The following BNC2 variants were observed in gnomAD, a reference collection of about 807,000 sequenced individuals.
BNC2 encodes the protein basonuclin zinc finger protein 2, also known as zinc finger protein basonuclin-2.
In BNC2, 20 loss-of-function variants were observed where a neutral mutation model predicts 76.3. The ratio of observed to expected loss-of-function variants is 0.26; its 90% confidence interval spans 0.18 to 0.38. The LOEUF (loss-of-function observed/expected upper bound fraction) is 0.38, where lower values mean the gene tolerates loss of function less well. BNC2 is among the 10% of genes least tolerant of loss of function. BNC2 has a pLI of 1.00. For synonymous variants in BNC2, 582 were observed against 514.8 expected, an observed-to-expected ratio of 1.13 and a Z score of -1.77; for missense variants, 1,382 against 1,399.8, an observed-to-expected ratio of 0.99 and a Z score of 0.20.
chr9:16,779,301 C>CAA (rs71327858), intron 1 of BNC2, among the ~76,000 whole-genome samples: 4 of 105,234 alleles, frequency 3.8e-5, no homozygotes, highest in Non-Finnish European at 6.1e-5. Context: ...GACCCTCTCT[C>CAA]AAAAAAAAAA....
intron 5 of BNC2, among the ~76,000 whole-genome samples, chr9:16,550,771 G>C (rs1818636671): frequency 6.6e-6 from 1 of 152,122 alleles, no homozygotes; most frequent in African/African-American, 2.4e-5. Context: ...TAATAAAGAT[G>C]GTACCAGATT....
At chr9:16,866,388 G>A (rs1819543175) in intron 1 of BNC2, among the ~76,000 whole-genome samples, 1 of 151,452 alleles carries the variant, frequency 6.6e-6, no homozygotes, top group Non-Finnish European at 1.5e-5. Context: ...CAGAAAAGGG[G>A]TTGTCCTTCA....
intron 1 of BNC2, among the ~76,000 whole-genome samples, chr9:16,786,932 G>A (rs11795031): frequency 0.46 from 69,765 of 152,064 alleles, 21,509 homozygotes; most frequent in Non-Finnish European, 0.69. Context: ...AGTGGGAAGG[G>A]ACTGGAAAGA....
chr9:16,759,153 T>C (rs1825477841), intron 1 of BNC2, among the ~76,000 whole-genome samples: 1 of 152,184 alleles, frequency 6.6e-6, no homozygotes, highest in African/African-American at 2.4e-5. Context: ...CTCCAACAGC[T>C]GGCTATAATC....
At chr9:16,456,217 A>AC (rs1821445087) in intron 5 of BNC2, among the ~76,000 whole-genome samples, 1 of 152,182 alleles carries the variant, frequency 6.6e-6, no homozygotes, top group South Asian at 2.1e-4. Context: ...GTAATTACCT[A>AC]CCAAGTCAGG....
chr9:16,720,798 C>T (rs1400939728), intron 3 of BNC2, among the ~76,000 whole-genome samples: 1 of 152,068 alleles, frequency 6.6e-6, no homozygotes, highest in Non-Finnish European at 1.5e-5. Flanking sequence ...TTAAAGAAAG[C>T]TCTATGAATG....
intron 3 of BNC2, among the ~76,000 whole-genome samples, chr9:16,722,732 T>A (rs1250130938): frequency 6.6e-6 from 1 of 152,174 alleles, no homozygotes; most frequent in Non-Finnish European, 1.5e-5. Context: ...AATACACACC[T>A]GAGAATATGT....
At position 16,693,784 on chromosome 9, in the gene BNC2, C is replaced by A. The variant is rs184135376; in HGVS notation, c.330+34013G>T. Reference sequence around the variant, plus strand: ...GCTTACGAGAAAAAGCCAAAATGAGCAAGCAGCTTGAGCAGTGGTAAGGCC... The same window carrying A: ...GCTTACGAGAAAAAGCCAAAATGAGAAAGCAGCTTGAGCAGTGGTAAGGCC... On this transcript the variant is annotated intron_variant, in intron 3 of 6. Coordinates refer to ENST00000380672, the MANE Select transcript of BNC2 (RefSeq NM_017637.6). Among the ~76,000 whole-genome samples the A allele has an allele frequency of 1.7e-3, 266 of 152,300 alleles. 2 individuals carry two copies. The highest frequency in any genetic ancestry group is 0.017 in the Middle Eastern group (5 of 294).
intron 5 of BNC2, among the ~76,000 whole-genome samples, chr9:16,536,503 A>G (rs1818134730): frequency 6.6e-6 from 1 of 152,138 alleles, no homozygotes; most frequent in Non-Finnish European, 1.5e-5. Context: ...ACAAAAACAC[A>G]GCCTTTTGTT....
intron 3 of BNC2, among the ~76,000 whole-genome samples, chr9:16,608,043 C>A (rs542775952): frequency 6.6e-6 from 1 of 152,070 alleles, no homozygotes; most frequent in Admixed American, 6.5e-5. Context: ...TTAAATAAAG[C>A]CTTCAAGAAA....
intron 1 of BNC2, among the ~76,000 whole-genome samples, chr9:16,774,611 G>T (rs1586872822): frequency 2.0e-5 from 3 of 152,136 alleles, no homozygotes; most frequent in Admixed American, 6.5e-5. Context: ...AAATTACTCT[G>T]AACATTTACT....
chr9:16,832,441 C>G (rs1448203121), intron 1 of BNC2: 2 of 264,790 alleles, frequency 7.6e-6, no homozygotes, highest in Admixed American at 1.3e-4. Context: ...AAGACTTGAT[C>G]TGCTTACTAT....
At chr9:16,551,950 T>C (rs1248034689) in intron 5 of BNC2, among the ~76,000 whole-genome samples, 1 of 152,140 alleles carries the variant, frequency 6.6e-6, no homozygotes, top group Non-Finnish European at 1.5e-5. Context: ...AGACGAAATC[T>C]AAAATCATGT....
chr9:16,683,908 G>A (rs1162308874), intron 3 of BNC2, among the ~76,000 whole-genome samples: 1 of 152,114 alleles, frequency 6.6e-6, no homozygotes, highest in South Asian at 2.1e-4. Context: ...TCCACAATGA[G>A]GAATATCCAA....
At chr9:16,455,596 G>C (rs1821430540) in intron 5 of BNC2, among the ~76,000 whole-genome samples, 1 of 152,202 alleles carries the variant, frequency 6.6e-6, no homozygotes. Flanking sequence ...TTTAAGACCA[G>C]CCTGGCCAAC....
intron 3 of BNC2, among the ~76,000 whole-genome samples, chr9:16,711,570 T>C (rs1320430037): frequency 6.6e-6 from 1 of 152,252 alleles, no homozygotes; most frequent in Non-Finnish European, 1.5e-5. Flanking sequence ...AGCACAAAAC[T>C]ATAGTGATAC....
At chr9:16,528,373 G>C (rs767856997) in intron 5 of BNC2, among the ~76,000 whole-genome samples, 21 of 152,118 alleles carry the variant, frequency 1.4e-4, no homozygotes, top group Non-Finnish European at 3.1e-4. Context: ...AAAACTTGTT[G>C]AGGATATTTA....
chr9:16,448,681 G>C (rs1042977621), intron 5 of BNC2, among the ~76,000 whole-genome samples: 5 of 152,178 alleles, frequency 3.3e-5, no homozygotes, highest in African/African-American at 9.7e-5. Flanking sequence ...TGAGGACTGA[G>C]TGTGTGACTG....
At chr9:16,570,118 T>C (rs10962490) in intron 4 of BNC2, among the ~76,000 whole-genome samples, 17,773 of 152,188 alleles carry the variant, frequency 0.12, 1,898 homozygotes, top group East Asian at 0.29. Flanking sequence ...AAGGAACATA[T>C]ATCTATATAA....
Sources: allele counts gnomAD v4.1 joint callset (sites outside exome capture counted in the v4.1 genomes callset), GRCh38; gene constraint gnomAD v4.1.1; transcripts MANE v1.5; gene names NCBI Gene and HGNC (gene_info 2026-07-23, HGNC 2026-07-21).